Variants in RICTOR observed in about 807,000 individuals in gnomAD.
RICTOR encodes rapamycin-insensitive companion of mTOR.
RICTOR carries 49 observed loss-of-function variants against 214.9 expected under a neutral mutation model. The ratio of observed to expected loss-of-function variants is 0.23; its 90% CI spans 0.18 to 0.29. RICTOR has a LOEUF of 0.29. Among genes scored for constraint, RICTOR ranks in the 10% least tolerant of loss-of-function variants. The pLI is 1.00. For synonymous variants in RICTOR, 717 were observed against 711.3 expected, an observed-to-expected ratio of 1.01 and a Z score of -0.13; for missense variants, 1,625 against 2,047.0, an observed-to-expected ratio of 0.79 and a Z score of 3.98.
intron 2 of RICTOR, among the ~76,000 whole-genome samples, chr5:39,059,055 T>C (rs558186726): frequency 2.6e-5 from 4 of 152,204 alleles, no homozygotes; most frequent in South Asian, 4.1e-4. Context: ...TCAAACTTTA[T>C]CCACTCATAT....
chr5:38,990,674 TCA>T lies in RICTOR; in HGVS notation c.583+273_583+274del, dbSNP rs1491242038. ...ATATATGATATATATCAGATATATATCAGATATATCATATATATGATATATAT... is the reference window on the plus strand; with the variant it reads ...ATATATGATATATATCAGATATATATGATATATCATATATATGATATATAT... On this transcript the variant is annotated intron_variant, in intron 7 of 37. Coordinates refer to ENST00000357387, the MANE Select transcript of RICTOR (RefSeq NM_152756.5). Among the ~76,000 whole-genome samples the T allele has an allele frequency of 3.2e-4, 34 of 106,524 alleles. 1 individual carries two copies. Among genetic ancestry groups the T allele is most frequent in the East Asian group, 2.5e-3 (10 of 4,044 alleles). 69.9% of individuals were successfully genotyped at this position (106,524 alleles called of 152,430 possible).
In RICTOR at chr5:38,941,329, T is replaced by G. The variant is rs1167115469; in HGVS notation, c.*975A>C. ...TCAATAACAAGCTTTATTAATGTTT[T>G]TTTTAAGGAAATATGGCTCTTCTTT... is the stretch of plus-strand genomic sequence containing the variant. On this transcript the variant is annotated 3_prime_UTR_variant, in exon 38 of 38. Transcript: ENST00000357387. 4.3e-6 allele frequency: 1 copy of G among 231,992 alleles called. No homozygotes were observed. Among genetic ancestry groups the G allele is most frequent in the African/African-American group, 2.2e-5 (1 of 45,284 alleles). 14.4% of individuals were successfully genotyped at this position (231,992 alleles called of 1,614,324 possible).
At position 39,002,169 on chromosome 5, in the gene RICTOR, C is replaced by CAAAAA. The variant is rs70982532; in HGVS notation, c.392+361_392+365dup. Among the ~76,000 whole-genome samples the CAAAAA allele has an allele frequency of 8.3e-4, 102 of 122,546 alleles. 1 individual carries two copies. Among genetic ancestry groups the CAAAAA allele is most frequent in the Admixed American group, 2.1e-3 (25 of 12,054 alleles). The allele number at this position is 122,546 out of a possible 152,430, so 80.4% of individuals were successfully genotyped here. ...ATTTATAAAATGAAATGTTACACAG[C>CAAAAA]AAAAAAAAAAAAAAAAAAAATCAAC... On this transcript the variant is annotated intron_variant, in intron 5 of 37. Coordinates refer to ENST00000357387, the MANE Select transcript of RICTOR (RefSeq NM_152756.5).
intron 6 of RICTOR, among the ~76,000 whole-genome samples, chr5:38,992,138 G>A (rs1398232596): frequency 1.3e-5 from 2 of 152,090 alleles, no homozygotes; most frequent in Non-Finnish European, 2.9e-5. Context: ...AAGTTCACCT[G>A]AAATTACAGA....
chr5:38,944,105 AATCC>A, intron 36 of RICTOR: 2 of 391,140 alleles, frequency 5.1e-6, no homozygotes, highest in South Asian at 3.9e-5. Context: ...TTTAAAAATA[AATCC>A]ATTACATGTT....
intron 2 of RICTOR, among the ~76,000 whole-genome samples, chr5:39,066,993 C>T (rs1758951529): frequency 6.6e-6 from 1 of 152,234 alleles, no homozygotes; most frequent in South Asian, 2.1e-4. Context: ...GTCCTCCAAA[C>T]TCTTCCAACC....
At chr5:39,007,153 T>C (rs1754150291) in intron 3 of RICTOR, among the ~76,000 whole-genome samples, 1 of 152,210 alleles carries the variant, frequency 6.6e-6, no homozygotes, top group Non-Finnish European at 1.5e-5. Flanking sequence ...GTTAAGGCAC[T>C]GTATGTAGTT....
intron 25 of RICTOR, among the ~76,000 whole-genome samples, chr5:38,956,688 T>G (rs1486090191): frequency 1.3e-5 from 2 of 152,156 alleles, no homozygotes; most frequent in African/African-American, 4.8e-5. Flanking sequence ...AACTTTGTTA[T>G]AGCTCTTATA....
intron 2 of RICTOR, among the ~76,000 whole-genome samples, chr5:39,028,769 G>C (rs1035524729): frequency 4.0e-5 from 6 of 151,852 alleles, no homozygotes; most frequent in Admixed American, 3.3e-4. Context: ...GCAGTGGCTC[G>C]TGCCTGTAAT....
intron 3 of RICTOR, among the ~76,000 whole-genome samples, chr5:39,018,125 T>C (rs533875062): frequency 6.6e-6 from 1 of 152,276 alleles, no homozygotes; most frequent in African/African-American, 2.4e-5. Flanking sequence ...GGCATTTTAG[T>C]GTTTGCATGA....
At chr5:38,945,318 C>T in intron 34 of RICTOR, 173 bp downstream of exon 34, 1 of 619,498 alleles carries the variant, frequency 1.6e-6, no homozygotes, top group Non-Finnish European at 2.8e-6. Flanking sequence ...CCACTGTGAC[C>T]TGGAACCGTG....
At chr5:39,055,142 T>C (rs1758115066) in intron 2 of RICTOR, among the ~76,000 whole-genome samples, 2 of 152,298 alleles carry the variant, frequency 1.3e-5, no homozygotes, top group South Asian at 4.1e-4. Context: ...TATCTCACCA[T>C]ATCACACTCC....
chr5:39,010,835 T>A (rs1247958322), intron 3 of RICTOR, among the ~76,000 whole-genome samples: 1 of 152,194 alleles, frequency 6.6e-6, no homozygotes, highest in East Asian at 1.9e-4. Flanking sequence ...TTCAGTTTTA[T>A]ATATTCACAA....
In RICTOR at chr5:39,003,143, C is replaced by T. The variant is rs192963097; in HGVS notation, c.260+415G>A. Among the ~76,000 whole-genome samples, 38 of 152,102 alleles carry T rather than the reference C, an allele frequency of 2.5e-4. No individual in the cohort carries two copies. In the East Asian group the frequency reaches 7.0e-3, roughly 28 times the overall value. On this transcript the variant is annotated intron_variant, in intron 4 of 37. Transcript: ENST00000357387. ...ATATCAATTTTAATTCCTAAGAGTA[C>T]CTAAAAGATAGTTATAAAGCCATAT...
In RICTOR at chr5:38,959,761, A is replaced by G. The variant is rs1219908347; in HGVS notation, c.2051+18T>C. On this transcript the variant is annotated intron_variant, in intron 21 of 37. Transcript: ENST00000357387. ...TAAAGTTCATGTATATATTGCAACA[A>G]AATCTGGGAATGCTCACCACTGAAA... The G allele has an allele frequency of 2.5e-6, 4 of 1,571,814 alleles. No individual in the cohort carries two copies. Among genetic ancestry groups the G allele is most frequent in the Non-Finnish European group, 3.5e-6 (4 of 1,141,890 alleles).
intron 4 of RICTOR, among the ~76,000 whole-genome samples, chr5:39,003,251 T>C (rs1488161955): frequency 2.0e-5 from 3 of 152,170 alleles, no homozygotes; most frequent in African/African-American, 7.2e-5. Context: ...AGAGTTATAG[T>C]TGTTCCTGGG....
chr5:39,014,537 T>C (rs945370500), intron 3 of RICTOR, among the ~76,000 whole-genome samples: 6 of 152,132 alleles, frequency 3.9e-5, no homozygotes, highest in Non-Finnish European at 8.8e-5. Context: ...ACAAAATAAA[T>C]ATTCTTTTAA....
At chr5:39,007,999 G>C (rs918778014) in intron 3 of RICTOR, among the ~76,000 whole-genome samples, 1 of 151,280 alleles carries the variant, frequency 6.6e-6, no homozygotes, top group African/African-American at 2.4e-5. Flanking sequence ...ATATAAAGTA[G>C]GTTCAAGTAC....
At chr5:39,066,811 C>G (rs1455467621) in intron 2 of RICTOR, among the ~76,000 whole-genome samples, 1 of 152,218 alleles carries the variant, frequency 6.6e-6, no homozygotes, top group Admixed American at 6.5e-5. Context: ...AAGTGCTTTG[C>G]TAAAGCATAA....
Sources: gnomAD v4.1 joint callset for allele counts (sites outside exome capture counted in the v4.1 genomes callset) on GRCh38, gnomAD v4.1.1 for gene constraint, MANE v1.5 for transcripts, NCBI Gene and HGNC (gene_info 2026-07-23, HGNC 2026-07-21) for gene names.